Variants in MX2 observed in about 807,000 individuals in gnomAD.
The protein encoded by MX2 is interferon-induced GTP-binding protein Mx2.
A neutral mutation model predicts 74.0 loss-of-function variants in MX2; 51 were observed. The observed-to-expected ratio is 0.69, with a 90% CI of 0.55 to 0.87. The LOEUF (loss-of-function observed/expected upper bound fraction) is 0.87. Among genes scored for constraint, MX2 ranks in the 40% least tolerant of loss-of-function variants. The pLI is 0.00. For synonymous variants in MX2, 369 were observed against 339.3 expected, an observed-to-expected ratio of 1.09 and a Z score of -0.96; for missense variants, 832 against 908.7, an observed-to-expected ratio of 0.92 and a Z score of 1.09.
Position 41,388,120 on chromosome 21 carries a change from C to T in MX2, c.733-2445C>T, listed in dbSNP as rs1006211171. Among the ~76,000 whole-genome samples the T allele has an allele frequency of 5.3e-5, 8 of 152,172 alleles. No individual in the cohort carries two copies. The highest frequency in any genetic ancestry group is 1.9e-4 in the African/African-American group (8 of 41,418). The stretch of plus-strand genomic sequence containing the variant: ...TGGGTTTCTCTGCCTCTGCCCTTCC[C>T]GGCAGCACCCATCCCAAGAATGTTT... On this transcript the variant is annotated intron_variant, in intron 5 of 13. Coordinates refer to ENST00000330714, the MANE Select transcript of MX2 (RefSeq NM_002463.2). The surrounding 1 kb of genome is among the most constrained non-coding windows in gnomAD (Gnocchi z 4.0).
chr21:41,377,306 A>G (rs1177442128), intron 2 of MX2, 151 bp downstream of exon 2: 12 of 1,180,248 alleles, frequency 1.0e-5, no homozygotes, highest in Non-Finnish European at 1.4e-5. Flanking sequence ...CCCAACAAGT[A>G]CCAGGAACAT....
intron 6 of MX2, among the ~76,000 whole-genome samples, chr21:41,393,787 T>C (rs1467738715): frequency 1.3e-5 from 2 of 152,196 alleles, no homozygotes; most frequent in Non-Finnish European, 2.9e-5. Flanking sequence ...GTCTGGCCAA[T>C]GTCTCCAGTT....
At chr21:41,371,600 C>A (rs1451020841) in intron 1 of MX2, among the ~76,000 whole-genome samples, 1 of 152,150 alleles carries the variant, frequency 6.6e-6, no homozygotes, top group African/African-American at 2.4e-5. Context: ...CCAGGCCTTG[C>A]TGGAGTTACT....
rs1168718587 is a variant in MX2 at position 41,398,936 on chromosome 21, C to A, written c.1189C>A (p.His397Asn). 6.2e-7 allele frequency: 1 copy of A among 1,613,742 alleles called. No homozygotes were observed. The highest frequency in any genetic ancestry group is 1.3e-5 in the African/African-American group (1 of 74,920). The change falls in exon 9 of 14, where the codon CAC becomes AAC. Residue 397 changes from histidine to asparagine, a missense_variant. His to Asn is a moderately conservative substitution (Grantham distance 68, BLOSUM62 1). Coordinates refer to ENST00000330714, the MANE Select transcript of MX2 (RefSeq NM_002463.2). ...PLLEGQIRES[H>N]QKATEELRRC... ...GTTAGAAGGACAAATAAGGGAGAGC[C>A]ACCAGAAGGCGACCGAGGAGCTGCG...
intron 12 of MX2, chr21:41,404,600 C>T (rs754511991): frequency 2.0e-5 from 3 of 151,712 alleles, no homozygotes; most frequent in Non-Finnish European, 4.4e-5. Flanking sequence ...GGAGGGTAGG[C>T]AATGAGGCAA....
chr21:41,399,438 A>G, intron 10 of MX2, 101 bp downstream of exon 10: 1 of 1,258,612 alleles, frequency 7.9e-7, no homozygotes, highest in Non-Finnish European at 1.1e-6. Context: ...GAACACGTCC[A>G]TCCAAGACCG....
At chr21:41,373,639 C>G (rs955232650) in intron 1 of MX2, among the ~76,000 whole-genome samples, 1 of 152,062 alleles carries the variant, frequency 6.6e-6, no homozygotes, top group African/African-American at 2.4e-5. Flanking sequence ...TTCAAAGCAT[C>G]CAGAATCCAG....
intron 13 of MX2, among the ~76,000 whole-genome samples, chr21:41,407,673 G>T (rs1184714140): frequency 6.6e-6 from 1 of 152,248 alleles, no homozygotes; most frequent in Admixed American, 6.5e-5. Flanking sequence ...TGCATACCCA[G>T]AAGGGAGCCA....
chr21:41,379,418 G>A (rs2089458128), intron 3 of MX2, among the ~76,000 whole-genome samples: 1 of 152,182 alleles, frequency 6.6e-6, no homozygotes, highest in African/African-American at 2.4e-5. Flanking sequence ...TAGCATCGGA[G>A]GATCCTGCCT....
chr21:41,376,979 G>T lies in MX2; in HGVS notation c.73G>T (p.Glu25Ter), dbSNP rs1381631280. 6.2e-7 allele frequency: 1 copy of T among 1,614,076 alleles called. No homozygotes were observed. The highest frequency in any genetic ancestry group is 1.3e-5 in the African/African-American group (1 of 75,036). The change falls in exon 2 of 14, where the codon GAA becomes TAA. Residue 25 changes from glutamate (E) to a stop codon, truncating the protein, a stop_gained. Transcript: ENST00000330714. LOFTEE classifies it high-confidence loss of function. ...TTCTTCTCGAAAATACCTGAAAAAAGAAATGAATTCCTTCCAGCAACAGCC... is the reference window on the plus strand; with the variant it reads ...TTCTTCTCGAAAATACCTGAAAAAATAAATGAATTCCTTCCAGCAACAGCC... ...QFSSRKYLKK[E>*]MNSFQQQPPP...
chr21:41,396,083 T>C (rs541626212), intron 7 of MX2, among the ~76,000 whole-genome samples: 1 of 152,330 alleles, frequency 6.6e-6, no homozygotes, highest in African/African-American at 2.4e-5. Context: ...AAGAGATACA[T>C]AAGGCAGGTG....
Position 41,377,777 on chromosome 21 carries a change from T to C in MX2, c.250-12T>C. On this transcript the variant is annotated splice_polypyrimidine_tract_variant and intron_variant, in intron 2 of 13. Transcript: ENST00000330714. ...GGGGTCAAGGCAGTGGCATCTGTTCTGCCTTCTCCAGGGGCCCGAGAACAA... is the reference window on the plus strand; with the variant it reads ...GGGGTCAAGGCAGTGGCATCTGTTCCGCCTTCTCCAGGGGCCCGAGAACAA... The C allele has an allele frequency of 6.2e-7, 1 of 1,603,336 alleles. No individual in the cohort carries two copies. The highest frequency in any genetic ancestry group is 8.5e-7 in the Non-Finnish European group (1 of 1,171,700).
chr21:41,402,140 C>T lies in MX2; in HGVS notation c.1573+12C>T. On this transcript the variant is annotated intron_variant, in intron 11 of 13. Coordinates refer to ENST00000330714, the MANE Select transcript of MX2 (RefSeq NM_002463.2). The surrounding 1 kb of genome is among the most constrained non-coding windows in gnomAD (Gnocchi z 4.5). ...CCAGAAAGCCATGGGTGAGGACTTT[C>T]AAGCAGGACTCCCAAACCATCACTC... The T allele has an allele frequency of 6.2e-7, 1 of 1,608,764 alleles. No homozygotes were observed. Among genetic ancestry groups the T allele is most frequent in the South Asian group, 1.1e-5 (1 of 90,314 alleles).
At chr21:41,405,478 G>A (rs2089873057) in intron 12 of MX2, among the ~76,000 whole-genome samples, 1 of 151,982 alleles carries the variant, frequency 6.6e-6, no homozygotes, top group African/African-American at 2.4e-5. Context: ...ACCTTCTTGT[G>A]TATCCTCACA....
intron 2 of MX2, 22 bp from the exon 3 acceptor site, chr21:41,377,767 G>T (rs778960649): frequency 4.0e-5 from 63 of 1,591,278 alleles, no homozygotes; most frequent in Non-Finnish European, 5.2e-5. Flanking sequence ...CAAGGCAGTG[G>T]CATCTGTTCT....
intron 1 of MX2, among the ~76,000 whole-genome samples, chr21:41,372,349 C>T (rs2089336900): frequency 6.6e-6 from 1 of 152,190 alleles, no homozygotes; most frequent in Non-Finnish European, 1.5e-5. Flanking sequence ...GACAGGTGTT[C>T]TGAGATGACC....
chr21:41,362,750 C>CTTTTTTTTTTTTTT (rs56903696), intron 1 of MX2, among the ~76,000 whole-genome samples: 3 of 82,154 alleles, frequency 3.7e-5, no homozygotes, highest in African/African-American at 9.9e-5. Context: ...GTTTTTTTTT[C>CTTTTTTTTTTTTTT]TTTTTTTTTT....
At chr21:41,365,591 T>C (rs2089258447) in intron 1 of MX2, 1 of 152,248 alleles carries the variant, frequency 6.6e-6, no homozygotes. Context: ...TAGTATTCCA[T>C]AGTGTATATG....
rs1309672360 is a variant in MX2 at position 41,376,887 on chromosome 21, C to T, written c.-20C>T. 6.2e-7 allele frequency: 1 copy of T among 1,611,580 alleles called. No individual in the cohort carries two copies. The highest frequency in any genetic ancestry group is 2.2e-5 in the East Asian group (1 of 44,832). Reference sequence around the variant, plus strand: ...AAGTAGCAGAGAAAGCATCCCCCAGCTCTGACAGGGAGACAGCACATGTCT... The same window carrying T: ...AAGTAGCAGAGAAAGCATCCCCCAGTTCTGACAGGGAGACAGCACATGTCT... On this transcript the variant is annotated 5_prime_UTR_variant, in exon 2 of 14. Coordinates refer to ENST00000330714, the MANE Select transcript of MX2 (RefSeq NM_002463.2).
Sources: allele counts gnomAD v4.1 joint callset (sites outside exome capture counted in the v4.1 genomes callset), GRCh38; gene constraint gnomAD v4.1.1; non-coding constraint Gnocchi (gnomAD v3.1); transcripts MANE v1.5; gene names NCBI Gene and HGNC (gene_info 2026-07-23, HGNC 2026-07-21).